The following GRIN2B variants were observed in gnomAD, a reference collection of about 807,000 sequenced individuals.
GRIN2B encodes the protein glutamate receptor ionotropic, NMDA 2B.
Under a neutral mutation model 114.5 loss-of-function variants are expected in GRIN2B, and 5 were observed. That is an observed-to-expected ratio of 0.04 (90% CI 0.02 to 0.09). GRIN2B has a LOEUF of 0.09. Ranked by LOEUF, GRIN2B falls within the 10% of genes least tolerant of loss-of-function variation. The pLI is 1.00. For synonymous variants in GRIN2B, 787 were observed against 745.1 expected (o/e 1.06, Z -0.92); for missense variants, 1,108 against 1,943.5 (o/e 0.57, Z 8.08).
chr12:13,608,906 G>C (rs1949323496), intron 9 of GRIN2B, 74 bp from the exon 10 acceptor site: 3 of 1,046,100 alleles, frequency 2.9e-6, no homozygotes, highest in East Asian at 2.4e-5. Flanking sequence ...AAATACACAG[G>C]GTGAGTCCCT....
chr12:13,567,321 G>A, intron 12 of GRIN2B, 58 bp from the exon 13 acceptor site: 1 of 1,227,594 alleles, frequency 8.1e-7, no homozygotes, highest in Non-Finnish European at 1.2e-6. Flanking sequence ...AAGGAGCAGA[G>A]AAAAGGGAGA....
rs1865817158 is a variant in GRIN2B, at chr12:13,865,790, C to T, written c.411+8G>A. ...CCTCAGGCCCTTCTCCCTGCAGCCC[C>T]TTTTTACCTTATCTGCCATTATCAT... On this transcript the variant is annotated splice_region_variant and intron_variant, in intron 3 of 13. Transcript: ENST00000609686. 2 of 1,610,910 alleles carry T rather than the reference C, an allele frequency of 1.2e-6. No homozygotes were observed. The highest frequency in any genetic ancestry group is 1.3e-5 in the African/African-American group (1 of 74,974).
Position 13,560,765 on chromosome 12 carries a change from G to T in GRIN2B, c.*2018C>A, listed in dbSNP as rs1948532474. ...AAAACAAAGCTTTACAAGGCCTTCA[G>T]TTGGCTTTAAAATGAAAGATACTGA... On this transcript the variant is annotated 3_prime_UTR_variant, in exon 14 of 14. Transcript: ENST00000609686. 1.3e-5 allele frequency: 2 copies of T among 152,272 alleles called. No homozygotes were observed. The highest frequency in any genetic ancestry group is 4.8e-5 in the African/African-American group (2 of 41,452). The allele number at this position is 152,272 out of a possible 1,614,324, so 9.4% of individuals were successfully genotyped here.
In GRIN2B at chr12:13,797,280, C is replaced by G. The variant is rs1410703363; in HGVS notation, c.412-43365G>C. Among the ~76,000 whole-genome samples, 3 of 152,162 alleles carry G rather than the reference C, an allele frequency of 2.0e-5. No homozygotes were observed. In the East Asian group the frequency reaches 5.8e-4, roughly 29 times the overall value. Reference sequence around the variant, plus strand: ...TTTTATAAGGTCCCACTCATGAAGACTCTGCCCCCATGACCTAATCACCTC... The same window carrying G: ...TTTTATAAGGTCCCACTCATGAAGAGTCTGCCCCCATGACCTAATCACCTC... On this transcript the variant is annotated intron_variant, in intron 3 of 13. Coordinates refer to ENST00000609686, the MANE Select transcript of GRIN2B (RefSeq NM_000834.5).
intron 3 of GRIN2B, among the ~76,000 whole-genome samples, chr12:13,774,215 T>G (rs1863960424): frequency 6.6e-6 from 1 of 152,244 alleles, no homozygotes; most frequent in Non-Finnish European, 1.5e-5. Context: ...CCCCAGCTGA[T>G]AACCAGTACA....
At chr12:13,592,901 A>G (rs368992573) in intron 10 of GRIN2B, among the ~76,000 whole-genome samples, 8 of 152,332 alleles carry the variant, frequency 5.3e-5, no homozygotes, top group African/African-American at 1.9e-4. Context: ...TTTGTTGTTT[A>G]TATAAAGGGT....
At chr12:13,917,157 A>G (rs1206498460) in intron 2 of GRIN2B, among the ~76,000 whole-genome samples, 2 of 152,122 alleles carry the variant, frequency 1.3e-5, no homozygotes. Context: ...TTCCAAATTT[A>G]GGCAACCAGT....
rs118026923 is a variant in GRIN2B, at chr12:13,900,551, C to A, written c.-18-34325G>T. On this transcript the variant is annotated intron_variant, in intron 2 of 13. Coordinates refer to ENST00000609686, the MANE Select transcript of GRIN2B (RefSeq NM_000834.5). ...AAGCAAATACTTCCATAACTATCACCCAGATTAAAGAATCCATAAGCGTCC... is the reference window on the plus strand; with the variant it reads ...AAGCAAATACTTCCATAACTATCACACAGATTAAAGAATCCATAAGCGTCC... 1.1e-3 allele frequency among the ~76,000 whole-genome samples: 167 copies of A among 152,214 alleles called. 2 individuals carry two copies. In the East Asian group the frequency reaches 0.026, roughly 24 times the overall value.
Position 13,544,767 on chromosome 12 carries a change from GCTT to G in GRIN2B, c.*18013_*18015del, listed in dbSNP as rs1281938650. ...TTTAAAACATTTCTGGAATCCAACTGCTTCTTATCACCTCCCCTGCTAACATCA... is the reference window on the plus strand; with the variant it reads ...TTTAAAACATTTCTGGAATCCAACTGCTTATCACCTCCCCTGCTAACATCA... On this transcript the variant is annotated 3_prime_UTR_variant, in exon 14 of 14. Transcript: ENST00000609686. 12 of 152,248 alleles carry G rather than the reference GCTT, an allele frequency of 7.9e-5. No homozygotes were observed. Among genetic ancestry groups the G allele is most frequent in the African/African-American group, 2.9e-4 (12 of 41,556 alleles). The allele number at this position is 152,248 out of a possible 1,614,324, so 9.4% of individuals were successfully genotyped here. A position where few individuals can be genotyped will look rare whatever the true frequency, so the allele number is the denominator to read the frequency against.
chr12:13,791,481 T>C (rs2136665203), intron 3 of GRIN2B, among the ~76,000 whole-genome samples: 1 of 149,016 alleles, frequency 6.7e-6, no homozygotes, highest in South Asian at 2.1e-4. Context: ...AAAAATTCCA[T>C]GTCATGTGAA....
At chr12:13,866,960 A>G (rs142972752) in intron 2 of GRIN2B, among the ~76,000 whole-genome samples, 26 of 152,316 alleles carry the variant, frequency 1.7e-4, no homozygotes, top group African/African-American at 6.3e-4. Flanking sequence ...AAGACCATGA[A>G]CCAATCAATT....
intron 3 of GRIN2B, among the ~76,000 whole-genome samples, chr12:13,792,675 G>A (rs75292132): frequency 0.025 from 3,795 of 152,306 alleles, 58 homozygotes; most frequent in Non-Finnish European, 0.033. Flanking sequence ...GAAGAAGACC[G>A]CAGGGTCTGA....
intron 3 of GRIN2B, among the ~76,000 whole-genome samples, chr12:13,841,690 C>G (rs1163356651): frequency 6.6e-6 from 1 of 152,154 alleles, no homozygotes; most frequent in Non-Finnish European, 1.5e-5. Flanking sequence ...TTCCCAAACA[C>G]TAGCCCATGG....
chr12:13,837,702 G>A (rs1865300400), intron 3 of GRIN2B, among the ~76,000 whole-genome samples: 1 of 152,136 alleles, frequency 6.6e-6, no homozygotes, highest in Non-Finnish European at 1.5e-5. Context: ...CGATGGTGGT[G>A]CAGGATGTCC....
chr12:13,951,793 A>G (rs1287371833), intron 2 of GRIN2B, among the ~76,000 whole-genome samples: 1 of 152,238 alleles, frequency 6.6e-6, no homozygotes, highest in Non-Finnish European at 1.5e-5. Context: ...CAGCCCTAAT[A>G]GCAAATGGCC....
intron 4 of GRIN2B, among the ~76,000 whole-genome samples, chr12:13,734,686 T>C (rs1340978650): frequency 6.6e-6 from 1 of 152,240 alleles, no homozygotes; most frequent in Admixed American, 6.5e-5. Flanking sequence ...AATGAATTTT[T>C]AATGTGAACT....
At chr12:13,570,695 C>T (rs1948695616) in intron 11 of GRIN2B, among the ~76,000 whole-genome samples, 1 of 151,942 alleles carries the variant, frequency 6.6e-6, no homozygotes, top group African/African-American at 2.4e-5. Context: ...GGCAGAAATA[C>T]ATAAAAAAGG....
At chr12:13,918,114 C>T (rs376811288) in intron 2 of GRIN2B, among the ~76,000 whole-genome samples, 41 of 152,278 alleles carry the variant, frequency 2.7e-4, no homozygotes, top group African/African-American at 9.6e-4. Flanking sequence ...CTTTCAGTAC[C>T]AGTTCCACCC....
chr12:13,779,885 G>A (rs1446383453), intron 3 of GRIN2B, among the ~76,000 whole-genome samples: 2 of 152,166 alleles, frequency 1.3e-5, no homozygotes, highest in African/African-American at 4.8e-5. Flanking sequence ...CGTCGCAAGA[G>A]TCTTATAATT....
Sources: gnomAD v4.1 joint callset for allele counts (sites outside exome capture counted in the v4.1 genomes callset) on GRCh38, gnomAD v4.1.1 for gene constraint, MANE v1.5 for transcripts, NCBI Gene and HGNC (gene_info 2026-07-23, HGNC 2026-07-21) for gene names.